PHACTR1: variants seen among roughly 807,000 people sequenced by gnomAD.
PHACTR1 encodes RPEL repeat containing 1.
Under a neutral mutation model 69.2 loss-of-function variants are expected in PHACTR1, and 16 were observed. That is an observed-to-expected ratio of 0.23 (90% confidence interval 0.16 to 0.35). The LOEUF is 0.35. PHACTR1 is among the 10% of genes least tolerant of loss of function. PHACTR1 has a pLI of 1.00. For missense variants in PHACTR1, 510 were observed against 734.7 expected, an observed-to-expected ratio of 0.69 and a Z score of 3.54; for synonymous variants, 312 against 284.5, an observed-to-expected ratio of 1.10 and a Z score of -0.97.
chr6:13,084,904 G>T (rs2127807960), intron 5 of PHACTR1, among the ~76,000 whole-genome samples: 1 of 152,106 alleles, frequency 6.6e-6, no homozygotes, highest in East Asian at 1.9e-4. Context: ...GAGGGAACAG[G>T]ATAAAGAAAA....
intron 4 of PHACTR1, among the ~76,000 whole-genome samples, chr6:12,827,052 C>T (rs1256555268): frequency 6.6e-6 from 1 of 152,202 alleles, no homozygotes; most frequent in Non-Finnish European, 1.5e-5. Context: ...TATCGTCCTT[C>T]TTTGTTGTTT....
intron 8 of PHACTR1, among the ~76,000 whole-genome samples, chr6:13,222,699 C>T (rs372824523): frequency 6.6e-6 from 1 of 152,198 alleles, no homozygotes; most frequent in African/African-American, 2.4e-5. Flanking sequence ...GTCCCCCTGT[C>T]CCCCAGAGGA....
intron 5 of PHACTR1, among the ~76,000 whole-genome samples, chr6:13,133,494 GC>G (rs1177059814): frequency 2.0e-5 from 3 of 151,888 alleles, no homozygotes; most frequent in Non-Finnish European, 4.4e-5. Context: ...ACGGGGTTTC[GC>G]CGTGTTGGCC....
intron 4 of PHACTR1, among the ~76,000 whole-genome samples, chr6:12,928,170 C>T (rs9463296): frequency 1.3e-5 from 2 of 152,238 alleles, no homozygotes; most frequent in Admixed American, 6.5e-5. Context: ...CTCATTAACA[C>T]GTAGAACAGG....
At chr6:13,190,861 G>A (rs531539445) in intron 7 of PHACTR1, among the ~76,000 whole-genome samples, 23 of 145,504 alleles carry the variant, frequency 1.6e-4, no homozygotes, top group African/African-American at 5.1e-4. Context: ...CAAAGTATTC[G>A]CTACTACAAC....
At chr6:13,164,824 A>G (rs528194914) in intron 6 of PHACTR1, among the ~76,000 whole-genome samples, 1 of 152,252 alleles carries the variant, frequency 6.6e-6, no homozygotes, top group Non-Finnish European at 1.5e-5. Flanking sequence ...AAACTGGTCA[A>G]TGAATTTAAT....
intron 4 of PHACTR1, among the ~76,000 whole-genome samples, chr6:12,892,521 G>A (rs1214071104): frequency 6.6e-6 from 1 of 152,180 alleles, no homozygotes; most frequent in Non-Finnish European, 1.5e-5. Context: ...AAATCTTCAA[G>A]CGAAGGACCG....
chr6:13,075,773 C>T (rs1159565325), intron 5 of PHACTR1, among the ~76,000 whole-genome samples: 2 of 152,140 alleles, frequency 1.3e-5, no homozygotes, highest in Non-Finnish European at 2.9e-5. Context: ...AGCCTGAGCT[C>T]CCTGAATACC....
intron 4 of PHACTR1, among the ~76,000 whole-genome samples, chr6:12,995,243 TAA>T (rs35830595): frequency 7.2e-6 from 1 of 139,448 alleles, no homozygotes; most frequent in African/African-American, 2.6e-5. Context: ...TGACAACTAT[TAA>T]AAAAAAAAAA....
chr6:12,838,929 C>CTGT (rs964226452), intron 4 of PHACTR1, among the ~76,000 whole-genome samples: 2 of 152,162 alleles, frequency 1.3e-5, no homozygotes, highest in African/African-American at 4.8e-5. Flanking sequence ...AATTATAAGG[C>CTGT]TGTTGCTGCT....
At chr6:13,062,196 T>C (rs1807782516) in intron 5 of PHACTR1, among the ~76,000 whole-genome samples, 1 of 152,200 alleles carries the variant, frequency 6.6e-6, no homozygotes, top group Non-Finnish European at 1.5e-5. Flanking sequence ...AGAAGACTGA[T>C]GTAATAGTAT....
chr6:12,963,546 C>T (rs1375765354), intron 4 of PHACTR1, among the ~76,000 whole-genome samples: 2 of 152,108 alleles, frequency 1.3e-5, no homozygotes, highest in East Asian at 3.8e-4. Context: ...AAACACCCTG[C>T]CATGTCTTTC....
intron 4 of PHACTR1, among the ~76,000 whole-genome samples, chr6:13,041,352 A>G (rs1300913709): frequency 6.6e-6 from 1 of 150,884 alleles, no homozygotes; most frequent in African/African-American, 2.4e-5. Context: ...ACACACACAC[A>G]CACACACACA....
At chr6:12,917,743 A>G (rs1582472516) in intron 4 of PHACTR1, among the ~76,000 whole-genome samples, 1 of 152,120 alleles carries the variant, frequency 6.6e-6, no homozygotes, top group South Asian at 2.1e-4. Context: ...CAACAGCAAG[A>G]CCCCATCCAT....
chr6:13,216,687 A>G (rs1426421443), intron 8 of PHACTR1, among the ~76,000 whole-genome samples: 6 of 152,186 alleles, frequency 3.9e-5, no homozygotes, highest in African/African-American at 7.2e-5. Context: ...CTTTGATTTT[A>G]AAGCCTATAT....
intron 4 of PHACTR1, among the ~76,000 whole-genome samples, chr6:12,915,010 A>G (rs1291286944): frequency 6.6e-6 from 1 of 152,196 alleles, no homozygotes; most frequent in South Asian, 2.1e-4. Context: ...GGCAGTTCAC[A>G]AGGGAGTTGG....
intron 4 of PHACTR1, among the ~76,000 whole-genome samples, chr6:12,987,701 A>G (rs1422043501): frequency 6.6e-6 from 1 of 152,216 alleles, no homozygotes; most frequent in Non-Finnish European, 1.5e-5. Flanking sequence ...ACTTGTCTGT[A>G]TGTGGGGTGC....
intron 4 of PHACTR1, among the ~76,000 whole-genome samples, chr6:12,811,669 C>T (rs1423644827): frequency 6.6e-6 from 1 of 152,224 alleles, no homozygotes; most frequent in Non-Finnish European, 1.5e-5. Flanking sequence ...ACATCCCACA[C>T]TGTGTTGTTT....
At chr6:12,809,993 T>G (rs982905664) in intron 4 of PHACTR1, among the ~76,000 whole-genome samples, 12 of 152,210 alleles carry the variant, frequency 7.9e-5, no homozygotes, top group Non-Finnish European at 1.0e-4. Flanking sequence ...GAGATGAAAC[T>G]ACGGAATAAA....
Sources: allele counts gnomAD v4.1 joint callset (sites outside exome capture counted in the v4.1 genomes callset), GRCh38; gene constraint gnomAD v4.1.1; transcripts MANE v1.5; gene names NCBI Gene and HGNC (gene_info 2026-07-23, HGNC 2026-07-21).